UBAC2: variants seen among roughly 807,000 people sequenced by gnomAD.
The protein encoded by UBAC2 is UBA domain containing 2.
Under a neutral mutation model 44.0 loss-of-function variants are expected in UBAC2, and 26 were observed. The observed-to-expected ratio is 0.59, with a 90% CI of 0.43 to 0.82. The LOEUF is 0.82. Ranked by LOEUF, UBAC2 falls within the 40% of genes least tolerant of loss-of-function variation. The pLI, the probability that UBAC2 is intolerant of heterozygous loss-of-function variation, is 0.00. For synonymous variants in UBAC2, 155 were observed against 154.3 expected, an observed-to-expected ratio of 1.00 and a Z score of -0.04; for missense variants, 329 against 419.4, an observed-to-expected ratio of 0.78 and a Z score of 1.88.
At chr13:99,375,374 C>T (rs1020810790) in intron 8 of UBAC2, among the ~76,000 whole-genome samples, 3 of 152,130 alleles carry the variant, frequency 2.0e-5, no homozygotes, top group African/African-American at 4.8e-5. Context: ...CTCGGCCATG[C>T]GTCAGCATGG....
intron 4 of UBAC2, among the ~76,000 whole-genome samples, chr13:99,286,711 T>C (rs992186427): frequency 6.6e-6 from 1 of 152,176 alleles, no homozygotes; most frequent in Non-Finnish European, 1.5e-5. Flanking sequence ...TTCGTGTCCA[T>C]GTGTATTCAA....
intron 6 of UBAC2, among the ~76,000 whole-genome samples, chr13:99,335,642 A>G (rs1179078733): frequency 1.3e-5 from 2 of 152,246 alleles, no homozygotes; most frequent in Non-Finnish European, 2.9e-5. Flanking sequence ...TAAACACATC[A>G]GTACACGCAC....
At chr13:99,334,153 G>T (rs2044755064) in intron 6 of UBAC2, among the ~76,000 whole-genome samples, 1 of 151,890 alleles carries the variant, frequency 6.6e-6, no homozygotes, top group South Asian at 2.1e-4. Flanking sequence ...AGAGATGGGG[G>T]TCTTGCTCTG....
At chr13:99,244,433 C>T in intron 3 of UBAC2, 82 bp from the exon 4 acceptor site, 1 of 908,524 alleles carries the variant, frequency 1.1e-6, no homozygotes, top group South Asian at 1.4e-5. Context: ...ATACACACCT[C>T]TGAGCTGATT....
chr13:99,249,485 AG>A (rs765360810), intron 4 of UBAC2, among the ~76,000 whole-genome samples: 2 of 152,236 alleles, frequency 1.3e-5, no homozygotes, highest in African/African-American at 2.4e-5. Context: ...TATTGTGAAT[AG>A]TTCTGGAATG....
chr13:99,340,302 T>G lies in UBAC2; in HGVS notation c.562-18T>G, dbSNP rs1339335994. On this transcript the variant is annotated intron_variant, in intron 6 of 8. Coordinates refer to ENST00000403766, the MANE Select transcript of UBAC2 (RefSeq NM_001144072.2). ...TAATACTACATTTAAACAATCACATTGGACGTTTTTCTTCTAGATGTCCGG... is the reference window on the plus strand; with the variant it reads ...TAATACTACATTTAAACAATCACATGGGACGTTTTTCTTCTAGATGTCCGG... 1 of 1,612,012 alleles carries G rather than the reference T, an allele frequency of 6.2e-7. No homozygotes were observed. Among genetic ancestry groups the G allele is most frequent in the South Asian group, 1.1e-5 (1 of 90,856 alleles).
chr13:99,353,010 C>T (rs577657112), intron 7 of UBAC2, among the ~76,000 whole-genome samples: 6 of 152,356 alleles, frequency 3.9e-5, no homozygotes, highest in African/African-American at 1.4e-4. Flanking sequence ...GTGGCACCCT[C>T]CTCAGCACTT....
intron 1 of UBAC2, chr13:99,234,285 C>G (rs550325862): frequency 4.0e-6 from 1 of 252,066 alleles, no homozygotes; most frequent in Non-Finnish European, 8.4e-6. Context: ...CAGGTTCAAG[C>G]GATTCAAGTG....
At chr13:99,248,690 GT>G (rs1258053847) in intron 4 of UBAC2, among the ~76,000 whole-genome samples, 1 of 151,642 alleles carries the variant, frequency 6.6e-6, no homozygotes, top group African/African-American at 2.4e-5. Flanking sequence ...GCCATTTTTT[GT>G]TTGTTTGTTT....
chr13:99,223,394 C>T (rs1478428543), intron 1 of UBAC2, among the ~76,000 whole-genome samples: 1 of 151,924 alleles, frequency 6.6e-6, no homozygotes, highest in Non-Finnish European at 1.5e-5. Context: ...AGAAGTGTAT[C>T]AGTTTTATTG....
At chr13:99,356,121 CTG>C (rs1365113095) in intron 7 of UBAC2, 9 of 529,384 alleles carry the variant, frequency 1.7e-5, no homozygotes, top group Non-Finnish European at 3.1e-5. Context: ...GGACACATGT[CTG>C]TCAGACTGTA....
chr13:99,341,423 G>C lies in UBAC2; in HGVS notation c.807+858G>C, dbSNP rs114594673. Among the ~76,000 whole-genome samples the C allele has an allele frequency of 8.6e-4, 130 of 150,630 alleles. 1 individual carries two copies. The highest frequency in any genetic ancestry group is 2.8e-3 in the African/African-American group (115 of 40,960). On this transcript the variant is annotated intron_variant, in intron 7 of 8. Transcript: ENST00000403766. ...CAGGTCCCAGAGTTTATATCAGGGG[G>C]GGGGAGGAAGGGGGCAGCTTATTAG...
In UBAC2 at chr13:99,314,136, C is replaced by G. The variant is rs766721251; in HGVS notation, c.429C>G (p.Cys143Trp). 1.2e-6 allele frequency: 2 copies of G among 1,613,694 alleles called. No homozygotes were observed. Among genetic ancestry groups the G allele is most frequent in the Non-Finnish European group, 1.7e-6 (2 of 1,179,854 alleles). ...TTGCTCTGTTTGTACCATTTTACTGCTCCATACCAAGAGTCCAAGTGGCAC... is the reference window on the plus strand; with the variant it reads ...TTGCTCTGTTTGTACCATTTTACTGGTCCATACCAAGAGTCCAAGTGGCAC... ...PVFALFVPFY[C>W]SIPRVQVAQI... Residue 143 changes from cysteine (C) to tryptophan (W), a missense_variant, in exon 5 of 9, where the codon TGC becomes TGG. Transcript: ENST00000403766.
intron 4 of UBAC2, among the ~76,000 whole-genome samples, chr13:99,245,782 C>T (rs1341847071): frequency 2.6e-5 from 4 of 152,178 alleles, no homozygotes; most frequent in Non-Finnish European, 4.4e-5. Flanking sequence ...TTGCAGTGAG[C>T]GGAGATCGCT....
At position 99,295,384 on chromosome 13, in the gene UBAC2, A is replaced by T; in HGVS notation, c.390-18713A>T. Reference sequence around the variant, plus strand: ...CAACATGGTAAGGTGTGAAACAGAGAACAAACACAACAATAATAAGAATAA... The same window carrying T: ...CAACATGGTAAGGTGTGAAACAGAGTACAAACACAACAATAATAAGAATAA... On this transcript the variant is annotated intron_variant, in intron 4 of 8. Transcript: ENST00000403766. The surrounding 1 kb of genome is among the most constrained non-coding windows in gnomAD (Gnocchi z 4.1). 1 of 1,614,132 alleles carries T rather than the reference A, an allele frequency of 6.2e-7. No individual in the cohort carries two copies. Among genetic ancestry groups the T allele is most frequent in the Non-Finnish European group, 8.5e-7 (1 of 1,180,000 alleles).
chr13:99,330,556 T>C (rs1471052803), intron 6 of UBAC2, among the ~76,000 whole-genome samples: 1 of 152,004 alleles, frequency 6.6e-6, no homozygotes, highest in African/African-American at 2.4e-5. Flanking sequence ...GTAGCTTTTC[T>C]GTGGATTCCT....
At chr13:99,343,025 C>T (rs1291178560) in intron 7 of UBAC2, among the ~76,000 whole-genome samples, 2 of 152,216 alleles carry the variant, frequency 1.3e-5, no homozygotes, top group African/African-American at 4.8e-5. Context: ...CTGTGGTAGT[C>T]GGTGTTAGCT....
chr13:99,314,283 T>TC, intron 5 of UBAC2, 63 bp downstream of exon 5: 1 of 1,300,944 alleles, frequency 7.7e-7, no homozygotes, highest in Non-Finnish European at 1.0e-6. Context: ...TTTTTTTTGG[T>TC]CTTTTTCTCA....
At chr13:99,227,090 C>T (rs933663330) in intron 1 of UBAC2, among the ~76,000 whole-genome samples, 1 of 151,614 alleles carries the variant, frequency 6.6e-6, no homozygotes, top group Non-Finnish European at 1.5e-5. Context: ...CCCAGCTACT[C>T]GGGAGGCTGA....
Sources: gnomAD v4.1 joint callset for allele counts (sites outside exome capture counted in the v4.1 genomes callset) on GRCh38, gnomAD v4.1.1 for gene constraint, Gnocchi (gnomAD v3.1) non-coding constraint, MANE v1.5 for transcripts, NCBI Gene and HGNC (gene_info 2026-07-23, HGNC 2026-07-21) for gene names.